The following PRKN variants were observed in gnomAD, a reference collection of about 807,000 sequenced individuals.
PRKN encodes the protein E3 ubiquitin-protein ligase parkin.
In PRKN, 56 loss-of-function variants were observed where a neutral mutation model predicts 59.5. The ratio of observed to expected loss-of-function variants is 0.94; its 90% CI spans 0.76 to 1.18. The LOEUF (loss-of-function observed/expected upper bound fraction) is 1.18. Ranked by LOEUF, PRKN falls within the 50% of genes most tolerant of loss-of-function variation. The probability of loss-of-function intolerance (pLI) is 0.00; values close to 1 mark genes in which losing one functional copy is unlikely to be tolerated. For missense variants in PRKN, 657 were observed against 596.4 expected (o/e 1.10, Z -1.06); for synonymous variants, 250 against 222.1 (o/e 1.13, Z -1.12).
chr6:162,455,170 G>T (rs62430725), intron 1 of PRKN, among the ~76,000 whole-genome samples: 3,150 of 152,106 alleles, frequency 0.021, 45 homozygotes, highest in South Asian at 0.034. Context: ...GAAGATGACG[G>T]TATCTTATAT....
chr6:161,762,392 C>T (rs970138867), intron 7 of PRKN, among the ~76,000 whole-genome samples: 1 of 152,070 alleles, frequency 6.6e-6, no homozygotes, highest in Non-Finnish European at 1.5e-5. Flanking sequence ...GCACTAGAAA[C>T]GTGATTGAAA....
At chr6:162,272,724 G>A (rs1780448637) in intron 2 of PRKN, among the ~76,000 whole-genome samples, 1 of 152,072 alleles carries the variant, frequency 6.6e-6, no homozygotes, top group African/African-American at 2.4e-5. Context: ...TGGGCTGGGT[G>A]CGGTGGCTCA....
At chr6:162,007,853 G>A (rs145821664) in intron 5 of PRKN, among the ~76,000 whole-genome samples, 1 of 152,176 alleles carries the variant, frequency 6.6e-6, no homozygotes, top group African/African-American at 2.4e-5. Context: ...TAAAAAGCCA[G>A]AATCAATATA....
chr6:161,757,753 G>A (rs949142693), intron 7 of PRKN, among the ~76,000 whole-genome samples: 4 of 150,972 alleles, frequency 2.6e-5, no homozygotes, highest in Non-Finnish European at 2.9e-5. Context: ...CAAGAGAATC[G>A]CTTGAACCCG....
intron 3 of PRKN, among the ~76,000 whole-genome samples, chr6:162,212,216 T>C (rs1390704550): frequency 6.6e-6 from 1 of 152,130 alleles, no homozygotes; most frequent in Non-Finnish European, 1.5e-5. Flanking sequence ...GTTGAATGTC[T>C]GTAGCAGGCT....
chr6:161,913,199 A>T (rs529865871), intron 6 of PRKN, among the ~76,000 whole-genome samples: 17 of 150,198 alleles, frequency 1.1e-4, no homozygotes, highest in Admixed American at 3.3e-4. Flanking sequence ...AAGACATGGG[A>T]TAATGTATAA....
intron 1 of PRKN, among the ~76,000 whole-genome samples, chr6:162,529,732 T>A (rs1778432808): frequency 6.6e-6 from 1 of 152,134 alleles, no homozygotes; most frequent in South Asian, 2.1e-4. Context: ...CTGAAGTCCA[T>A]CCCTAGGGAA....
At chr6:162,359,079 A>AAAAAAAAAAATATATATATATATATAT (rs57265104) in intron 2 of PRKN, among the ~76,000 whole-genome samples, 1 of 83,240 alleles carries the variant, frequency 1.2e-5, no homozygotes, top group African/African-American at 7.3e-5. Flanking sequence ...AAAAAAAAAA[A>AAAAAAAAAAATATATATATATATATAT]ATATATATAT....
chr6:162,694,096 A>C (rs538264799), intron 1 of PRKN, among the ~76,000 whole-genome samples: 1 of 152,052 alleles, frequency 6.6e-6, no homozygotes, highest in East Asian at 1.9e-4. Context: ...AAATACAAAA[A>C]ATTAGCCAGG....
At chr6:161,541,637 A>G (rs918803967) in intron 9 of PRKN, among the ~76,000 whole-genome samples, 11 of 152,134 alleles carry the variant, frequency 7.2e-5, no homozygotes, top group Admixed American at 2.6e-4. Context: ...CCTGACCAAC[A>G]TGGTGCAATC....
intron 6 of PRKN, among the ~76,000 whole-genome samples, chr6:161,796,334 T>TA (rs1434502738): frequency 1.3e-5 from 2 of 152,076 alleles, no homozygotes; most frequent in Admixed American, 6.5e-5. Flanking sequence ...ATATTAGAAA[T>TA]AAAAAAATTA....
chr6:162,242,499 G>C (rs980496038), intron 3 of PRKN, among the ~76,000 whole-genome samples: 4 of 152,086 alleles, frequency 2.6e-5, no homozygotes, highest in African/African-American at 9.7e-5. Context: ...ATGTACCTAA[G>C]TACATAAACC....
At chr6:161,800,019 A>G (rs1297469514) in intron 6 of PRKN, among the ~76,000 whole-genome samples, 2 of 152,226 alleles carry the variant, frequency 1.3e-5, no homozygotes, top group Admixed American at 6.5e-5. Context: ...CCTTTAAGAC[A>G]TACTCAGGAA....
rs570496905 is a variant in PRKN at position 162,524,896 on chromosome 6, C to A, written c.8-81423G>T. On this transcript the variant is annotated intron_variant, in intron 1 of 11. Coordinates refer to ENST00000366898, the MANE Select transcript of PRKN (RefSeq NM_004562.3). ...TCTCCCAAGGTTATAAGACTGAAGT[C>A]AAAACTATGTGATGTATACTGGCCC... 3.9e-5 allele frequency among the ~76,000 whole-genome samples: 6 copies of A among 152,204 alleles called. No homozygotes were observed. The South Asian group carries it at 1.2e-3, about 32-fold the overall frequency.
At chr6:162,478,730 G>A (rs990905827) in intron 1 of PRKN, among the ~76,000 whole-genome samples, 3 of 152,130 alleles carry the variant, frequency 2.0e-5, no homozygotes, top group Non-Finnish European at 2.9e-5. Flanking sequence ...AGGCTCTATG[G>A]GGCAGCCTGC....
intron 2 of PRKN, among the ~76,000 whole-genome samples, chr6:162,382,755 C>T (rs1786558595): frequency 6.6e-6 from 1 of 152,152 alleles, no homozygotes; most frequent in Non-Finnish European, 1.5e-5. Flanking sequence ...GCATATGATG[C>T]TGATAGCATT....
chr6:161,739,303 G>T (rs550837550), intron 7 of PRKN, among the ~76,000 whole-genome samples: 2 of 152,196 alleles, frequency 1.3e-5, no homozygotes, highest in Non-Finnish European at 2.9e-5. Flanking sequence ...AGCTACCAGG[G>T]TGGCTGAGGT....
Position 161,400,529 on chromosome 6 carries a change from G to C in PRKN, c.1084-13652C>G, listed in dbSNP as rs1014711845. On this transcript the variant is annotated intron_variant, in intron 9 of 11. Coordinates refer to ENST00000366898, the MANE Select transcript of PRKN (RefSeq NM_004562.3). The surrounding 1 kb of genome is among the most constrained non-coding windows in gnomAD (Gnocchi z 4.2). The stretch of plus-strand genomic sequence containing the variant: ...CGCTTTCGCCATATTGGCCAGGCTG[G>C]TCTCAAACCCCTGACCTCAGGTAAT... Among the ~76,000 whole-genome samples the C allele has an allele frequency of 2.6e-5, 4 of 151,932 alleles. No homozygotes were observed. The highest frequency in any genetic ancestry group is 2.1e-4 in the South Asian group (1 of 4,820).
intron 1 of PRKN, among the ~76,000 whole-genome samples, chr6:162,508,008 T>G (rs1275635368): frequency 6.6e-6 from 1 of 152,214 alleles, no homozygotes; most frequent in African/African-American, 2.4e-5. Flanking sequence ...TCAATTTTCA[T>G]GCTGCTGATA....
Sources: gnomAD v4.1 joint callset for allele counts (sites outside exome capture counted in the v4.1 genomes callset) on GRCh38, gnomAD v4.1.1 for gene constraint, Gnocchi (gnomAD v3.1) non-coding constraint, MANE v1.5 for transcripts, NCBI Gene and HGNC (gene_info 2026-07-23, HGNC 2026-07-21) for gene names.